The following TTC7A variants were observed in gnomAD, a reference collection of about 807,000 sequenced individuals.
The protein encoded by TTC7A is tetratricopeptide repeat protein 7A.
Under a neutral mutation model 103.7 loss-of-function variants are expected in TTC7A, and 110 were observed. That is an observed-to-expected ratio of 1.06 (90% CI 0.91 to 1.24). TTC7A has a LOEUF of 1.24. Ranked by LOEUF, TTC7A falls within the 50% of genes most tolerant of loss-of-function variation. The pLI is 0.00. For synonymous variants in TTC7A, 521 were observed against 467.9 expected (o/e 1.11, Z -1.47); for missense variants, 1,340 against 1,116.3 (o/e 1.20, Z -2.86).
intron 15 of TTC7A, among the ~76,000 whole-genome samples, chr2:47,038,434 C>T (rs1337274397): frequency 6.6e-6 from 1 of 152,166 alleles, no homozygotes; most frequent in South Asian, 2.1e-4. Context: ...GCCTCCTGGC[C>T]AAGGAATTAG....
chr2:46,975,177 A>G lies in TTC7A; in HGVS notation c.648+74A>G, dbSNP rs1037915657. 39 of 1,577,166 alleles carry G rather than the reference A, an allele frequency of 2.5e-5. No individual in the cohort carries two copies. In the East Asian group the frequency reaches 8.2e-4, roughly 33 times the overall value. ...TATGTCTATGGATCCCACTAAACCCATAGGTCACCTGTGTGCTAATTAGAA... is the reference window on the plus strand; with the variant it reads ...TATGTCTATGGATCCCACTAAACCCGTAGGTCACCTGTGTGCTAATTAGAA... On this transcript the variant is annotated intron_variant, in intron 4 of 19. Transcript: ENST00000319190.
chr2:46,950,289 C>G (rs570945833), intron 1 of TTC7A, 74 bp from the exon 2 acceptor site: 1 of 1,543,910 alleles, frequency 6.5e-7, no homozygotes, highest in Non-Finnish European at 8.9e-7. Flanking sequence ...TTGGGTGGGT[C>G]CAGGAGTGTG....
intron 15 of TTC7A, chr2:47,034,129 G>A (rs893464638): frequency 1.3e-5 from 2 of 152,270 alleles, no homozygotes; most frequent in African/African-American, 4.8e-5. Flanking sequence ...ATGAGGCAGA[G>A]ACAGACAGCC....
At position 46,941,749 on chromosome 2, in the gene TTC7A, C is replaced by CAGG; in HGVS notation, c.184+24_184+25insAGG. 4 of 1,547,442 alleles carry CAGG rather than the reference C, an allele frequency of 2.6e-6. No individual in the cohort carries two copies. The highest frequency in any genetic ancestry group is 3.5e-6 in the Non-Finnish European group (4 of 1,145,810). On this transcript the variant is annotated intron_variant, in intron 1 of 19. Coordinates refer to ENST00000319190, the MANE Select transcript of TTC7A (RefSeq NM_020458.4). The surrounding 1 kb of genome is among the most constrained non-coding windows in gnomAD (Gnocchi z 4.2). ...CGGTGAGTAAGGGAAGAGGCTGGCTCGCCGGCAGCGAGCGCGCGAAACGCA... is the reference window on the plus strand; with the variant it reads ...CGGTGAGTAAGGGAAGAGGCTGGCTCAGGGCCGGCAGCGAGCGCGCGAAACGCA...
intron 18 of TTC7A, among the ~76,000 whole-genome samples, chr2:47,052,385 C>T (rs892227635): frequency 6.6e-6 from 1 of 152,206 alleles, no homozygotes; most frequent in Non-Finnish European, 1.5e-5. Context: ...TCCAGAGTTC[C>T]ACAGACCTGG....
chr2:46,948,131 C>T (rs113649862), intron 1 of TTC7A, among the ~76,000 whole-genome samples: 2,898 of 152,300 alleles, frequency 0.019, 46 homozygotes, highest in Middle Eastern at 0.044. Context: ...CCCAAGGGCA[C>T]GGAGTCCTGC....
rs1322447941 is a variant in TTC7A, at chr2:47,060,776, G to A, written c.2160G>A (p.Leu720=). ...LEQIWLQAAE[L]FMEQQHLKEA... ...GCCCTTCTGCTTTTGCAGCTGAGCT[G>A]TTCATGGAGCAGCAGCACCTCAAGG... The change falls in exon 19 of 20, where the codon CTG becomes CTA. Residue 720 remains leucine, a synonymous_variant. Transcript: ENST00000319190. 6.2e-7 allele frequency: 1 copy of A among 1,606,950 alleles called. No individual in the cohort carries two copies. Among genetic ancestry groups the A allele is most frequent in the African/African-American group, 1.3e-5 (1 of 74,842 alleles).
intron 11 of TTC7A, among the ~76,000 whole-genome samples, chr2:47,011,829 G>A (rs10190800): frequency 6.6e-6 from 1 of 152,230 alleles, no homozygotes; most frequent in East Asian, 1.9e-4. Flanking sequence ...CGCGATTCTG[G>A]GGGCAGAGCT....
At chr2:47,011,460 C>T (rs1208343937) in intron 11 of TTC7A, 25 bp downstream of exon 11, 17 of 1,572,484 alleles carry the variant, frequency 1.1e-5, no homozygotes, top group Non-Finnish European at 1.4e-5. Flanking sequence ...AGGGCAGGTC[C>T]CAGAGGCCTC....
intron 5 of TTC7A, among the ~76,000 whole-genome samples, chr2:46,990,590 G>A (rs764037251): frequency 6.6e-6 from 1 of 152,234 alleles, no homozygotes; most frequent in Admixed American, 6.5e-5. Flanking sequence ...GAAAGGAAGA[G>A]AATATTTAAT....
chr2:47,068,915 A>C (rs1301896688), intron 19 of TTC7A, among the ~76,000 whole-genome samples: 1 of 148,646 alleles, frequency 6.7e-6, no homozygotes, highest in African/African-American at 2.5e-5. Context: ...TGGAGAGAGA[A>C]GGTAATGCGG....
At chr2:47,020,953 T>A (rs1257544964) in intron 11 of TTC7A, among the ~76,000 whole-genome samples, 1 of 152,192 alleles carries the variant, frequency 6.6e-6, no homozygotes, top group Non-Finnish European at 1.5e-5. Flanking sequence ...CCTGACTCTG[T>A]GAGCCTCTGA....
At chr2:47,023,532 T>C (rs1679525351) in intron 13 of TTC7A, 67 bp downstream of exon 13, 6 of 1,505,884 alleles carry the variant, frequency 4.0e-6, no homozygotes, top group Non-Finnish European at 5.5e-6. Context: ...AAGCTTTACG[T>C]CATCAGACCC....
At chr2:46,945,665 A>G (rs1451947526) in intron 1 of TTC7A, among the ~76,000 whole-genome samples, 4 of 152,180 alleles carry the variant, frequency 2.6e-5, no homozygotes, top group South Asian at 2.1e-4. Flanking sequence ...TGCTGGAATT[A>G]TAGGTGTGAG....
intron 11 of TTC7A, among the ~76,000 whole-genome samples, chr2:47,020,433 C>A (rs1485287174): frequency 1.3e-5 from 2 of 152,230 alleles, no homozygotes; most frequent in Non-Finnish European, 2.9e-5. Flanking sequence ...GTTTCCCCGA[C>A]TATGGCCTCC....
At chr2:46,926,699 A>G (rs1031649352) in intron 2 of TTC7A, among the ~76,000 whole-genome samples, 2 of 152,234 alleles carry the variant, frequency 1.3e-5, no homozygotes, top group African/African-American at 4.8e-5. Flanking sequence ...GATTTCTACA[A>G]TAATTTTTCA....
chr2:46,969,113 A>C (rs116777406), intron 3 of TTC7A, among the ~76,000 whole-genome samples: 8,376 of 151,726 alleles, frequency 0.055, 243 homozygotes, highest in African/African-American at 0.067. Context: ...AATAAATGAA[A>C]TCATACAGTA....
chr2:47,065,710 A>G (rs1160342380), intron 19 of TTC7A: 1 of 152,234 alleles, frequency 6.6e-6, no homozygotes, highest in Non-Finnish European at 1.5e-5. Context: ...ATGTTCTGCT[A>G]TCCTTCAGCA....
At chr2:46,943,752 C>T (rs186056350) in intron 1 of TTC7A, among the ~76,000 whole-genome samples, 1 of 152,298 alleles carries the variant, frequency 6.6e-6, no homozygotes, top group Admixed American at 6.5e-5. Context: ...AACATCCCAC[C>T]TGGCCTGTTT....
Sources: allele counts gnomAD v4.1 joint callset (sites outside exome capture counted in the v4.1 genomes callset), GRCh38; gene constraint gnomAD v4.1.1; non-coding constraint Gnocchi (gnomAD v3.1); transcripts MANE v1.5; gene names NCBI Gene and HGNC (gene_info 2026-07-23, HGNC 2026-07-21).